TCF4: variants seen among roughly 807,000 people sequenced by gnomAD.
TCF4 encodes the protein transcription factor 4.
TCF4 carries 3 observed loss-of-function variants against 82.1 expected under a neutral mutation model. The observed-to-expected ratio is 0.04, with a 90% CI of 0.02 to 0.09. TCF4 has a LOEUF of 0.09. Among genes scored for constraint, TCF4 ranks in the 10% least tolerant of loss-of-function variants. TCF4 has a pLI of 1.00. For missense variants in TCF4, 518 were observed against 852.7 expected (o/e 0.61, Z 4.89); for synonymous variants, 276 against 309.6 (o/e 0.89, Z 1.14).
At chr18:55,441,803 T>C (rs1253857301) in intron 5 of TCF4, among the ~76,000 whole-genome samples, 1 of 152,196 alleles carries the variant, frequency 6.6e-6, no homozygotes. Flanking sequence ...TTGAGTAATA[T>C]AGTCACAAAT....
At chr18:55,614,085 G>T (rs2097709626) in intron 2 of TCF4, among the ~76,000 whole-genome samples, 1 of 152,048 alleles carries the variant, frequency 6.6e-6, no homozygotes, top group Admixed American at 6.6e-5. Flanking sequence ...GTAGAGACGA[G>T]GGTCTCACTG....
At chr18:55,302,612 G>A in intron 8 of TCF4, 1 of 1,524,702 alleles carries the variant, frequency 6.6e-7, no homozygotes, top group Admixed American at 2.0e-5. Flanking sequence ...ACTTCATGCT[G>A]GATATATGAA....
intron 3 of TCF4, among the ~76,000 whole-genome samples, chr18:55,568,490 A>G (rs2097429819): frequency 6.6e-6 from 1 of 151,868 alleles, no homozygotes; most frequent in African/African-American, 2.4e-5. Context: ...TATTACATAT[A>G]TATGTATACA....
chr18:55,574,724 T>C (rs927096332), intron 3 of TCF4, among the ~76,000 whole-genome samples: 1 of 152,226 alleles, frequency 6.6e-6, no homozygotes, highest in East Asian at 1.9e-4. Flanking sequence ...AGTGCTGAAG[T>C]TGAAATTTGT....
chr18:55,539,116 TG>T (rs1451695329), intron 3 of TCF4, among the ~76,000 whole-genome samples: 1 of 148,872 alleles, frequency 6.7e-6, no homozygotes, highest in African/African-American at 2.5e-5. Context: ...TCAAAAGAAA[TG>T]GAATTCTGAG....
At chr18:55,271,625 T>G (rs1274617764) in intron 10 of TCF4, among the ~76,000 whole-genome samples, 1 of 152,134 alleles carries the variant, frequency 6.6e-6, no homozygotes, top group Non-Finnish European at 1.5e-5. Flanking sequence ...TGAGAATGCC[T>G]TTCAAATTTT....
chr18:55,403,357 T>C, intron 6 of TCF4, 97 bp downstream of exon 6: 1 of 1,375,854 alleles, frequency 7.3e-7, no homozygotes, highest in Non-Finnish European at 1.0e-6. Flanking sequence ...GGTGCATCTT[T>C]GGTGTCACAG....
In TCF4 at chr18:55,484,245, G is replaced by T. The variant is rs888190600; in HGVS notation, c.146-20108C>A. ...AGAATCCCAATTTCCTAATTATAAGGGCTTTTCTTTTGGGTTAAATATGCC... is the reference window on the plus strand; with the variant it reads ...AGAATCCCAATTTCCTAATTATAAGTGCTTTTCTTTTGGGTTAAATATGCC... On this transcript the variant is annotated intron_variant, in intron 3 of 19. Transcript: ENST00000354452. 7.9e-5 allele frequency among the ~76,000 whole-genome samples: 12 copies of T among 151,798 alleles called. 1 individual carries two copies. The South Asian group carries it at 2.1e-3, about 26-fold the overall frequency.
At chr18:55,242,546 AT>A (rs1422822626) in intron 15 of TCF4, among the ~76,000 whole-genome samples, 1 of 152,136 alleles carries the variant, frequency 6.6e-6, no homozygotes, top group Admixed American at 6.5e-5. Context: ...AGTGTACTAT[AT>A]GCAAGGCACT....
Position 55,345,434 on chromosome 18 carries a change from C to T in TCF4, c.549+4925G>A, listed in dbSNP as rs115934777. Among the ~76,000 whole-genome samples the T allele has an allele frequency of 3.2e-3, 488 of 152,150 alleles. 4 individuals are homozygous for T. The highest frequency in any genetic ancestry group is 0.011 in the African/African-American group (454 of 41,532). Reference sequence around the variant, plus strand: ...TTCCCCATTGTCATGTTATATATGCCGTGTAAATTGTGTGAATAGTTTTGT... The same window carrying T: ...TTCCCCATTGTCATGTTATATATGCTGTGTAAATTGTGTGAATAGTTTTGT... On this transcript the variant is annotated intron_variant, in intron 8 of 19. Transcript: ENST00000354452.
At chr18:55,428,642 C>T (rs1290637973) in intron 5 of TCF4, among the ~76,000 whole-genome samples, 3 of 152,222 alleles carry the variant, frequency 2.0e-5, no homozygotes, top group African/African-American at 7.2e-5. Flanking sequence ...CTGCTAGATG[C>T]ATGCATCTTA....
chr18:55,511,063 T>TCAAGCTGG (rs1394720563), intron 3 of TCF4, among the ~76,000 whole-genome samples: 6 of 152,142 alleles, frequency 3.9e-5, no homozygotes, highest in African/African-American at 7.2e-5. Flanking sequence ...CCTTTACGCA[T>TCAAGCTGG]CAAGCTGGCA....
At chr18:55,455,428 A>G (rs2095725979) in intron 5 of TCF4, among the ~76,000 whole-genome samples, 1 of 151,828 alleles carries the variant, frequency 6.6e-6, no homozygotes, top group South Asian at 2.1e-4. Context: ...AAATAAGACC[A>G]CAATTAATAA....
At position 55,617,275 on chromosome 18, in the gene TCF4, C is replaced by T. The variant is rs2097713060; in HGVS notation, c.286+14023G>A. ...ATATGCATACCTTTATTTCCAGGTTCTCTGTTCTATTGGTCTATAGATCTT... is the reference window on the plus strand; with the variant it reads ...ATATGCATACCTTTATTTCCAGGTTTTCTGTTCTATTGGTCTATAGATCTT... On this transcript the variant is annotated intron_variant, in intron 2 of 20. Transcript: ENST00000398339. Among the ~76,000 whole-genome samples the T allele has an allele frequency of 2.6e-5, 4 of 152,122 alleles. No individual in the cohort carries two copies. In the South Asian group the frequency reaches 8.3e-4, roughly 32 times the overall value.
intron 2 of TCF4, among the ~76,000 whole-genome samples, chr18:55,603,013 A>G (rs929981042): frequency 2.0e-5 from 3 of 152,208 alleles, no homozygotes; most frequent in African/African-American, 7.2e-5. Context: ...TTCAAGATGA[A>G]AGCTTTACAG....
chr18:55,374,046 GT>G (rs1390806777), intron 6 of TCF4, among the ~76,000 whole-genome samples: 5 of 152,010 alleles, frequency 3.3e-5, no homozygotes, highest in African/African-American at 1.2e-4. Flanking sequence ...TGAAAACAGT[GT>G]TTTAAGTAAC....
intron 6 of TCF4, among the ~76,000 whole-genome samples, chr18:55,392,544 T>C (rs2093216911): frequency 1.3e-5 from 2 of 151,844 alleles, no homozygotes; most frequent in South Asian, 2.1e-4. Context: ...CTCATATTTA[T>C]CCGTGACTTG....
intron 5 of TCF4, among the ~76,000 whole-genome samples, chr18:55,426,161 G>T (rs2094974652): frequency 6.8e-6 from 1 of 147,862 alleles, no homozygotes; most frequent in South Asian, 2.1e-4. Flanking sequence ...GTCTTTTATT[G>T]GTAGGCTACC....
chr18:55,567,668 G>A lies in TCF4; in HGVS notation c.145+17612C>T, dbSNP rs1413412082. ...GCTGAGGTTGCAGTGAGCCGAGATC[G>A]CGCCACTGCACTCCAGCCTGGGAGA... On this transcript the variant is annotated intron_variant, in intron 3 of 19. Coordinates refer to ENST00000354452, the MANE Select transcript of TCF4 (RefSeq NM_001083962.2). Among the ~76,000 whole-genome samples the A allele has an allele frequency of 3.3e-5, 5 of 151,766 alleles. No individual in the cohort carries two copies. The South Asian group carries it at 8.3e-4, about 25-fold the overall frequency.
Sources: gnomAD v4.1 joint callset for allele counts (sites outside exome capture counted in the v4.1 genomes callset) on GRCh38, gnomAD v4.1.1 for gene constraint, MANE v1.5 for transcripts, NCBI Gene and HGNC (gene_info 2026-07-23, HGNC 2026-07-21) for gene names.